The following TMED3 variants were observed in gnomAD, a reference collection of about 807,000 sequenced individuals.
TMED3 encodes the protein transmembrane emp24 domain-containing protein 3.
Under a neutral mutation model 15.0 loss-of-function variants are expected in TMED3, and 9 were observed. The observed-to-expected ratio is 0.60, with a 90% CI of 0.36 to 1.04. The LOEUF is 1.04. TMED3 is among the 50% of genes least tolerant of loss of function. The probability of loss-of-function intolerance (pLI) is 0.01; values close to 1 mark genes in which losing one functional copy is unlikely to be tolerated. For synonymous variants in TMED3, 117 were observed against 121.4 expected, an observed-to-expected ratio of 0.96 and a Z score of 0.24; for missense variants, 267 against 278.9, an observed-to-expected ratio of 0.96 and a Z score of 0.30.
chr15:79,396,630 TG>T (rs1294792295), intron 2 of TMED3, among the ~76,000 whole-genome samples: 1 of 152,228 alleles, frequency 6.6e-6, no homozygotes, highest in Non-Finnish European at 1.5e-5. Flanking sequence ...GATCTAGCTT[TG>T]GAAGTCACAT....
At chr15:79,320,740 GTAAC>G (rs1371329001) in intron 2 of TMED3, among the ~76,000 whole-genome samples, 1 of 152,168 alleles carries the variant, frequency 6.6e-6, no homozygotes, top group Admixed American at 6.5e-5. Context: ...CTATTGCTGA[GTAAC>G]TAATTACTAC....
At chr15:79,373,857 AGATGTCCC>A (rs1343360472) in intron 2 of TMED3, among the ~76,000 whole-genome samples, 1 of 152,220 alleles carries the variant, frequency 6.6e-6, no homozygotes, top group Non-Finnish European at 1.5e-5. Context: ...GTGGATTCAA[AGATGTCCC>A]GATTGGCAGT....
At position 79,311,404 on chromosome 15, in the gene TMED3, C is replaced by T. The variant is rs1430614508; in HGVS notation, c.155C>T (p.Ser52Phe). The T allele has an allele frequency of 6.2e-7, 1 of 1,609,910 alleles. No homozygotes were observed. The highest frequency in any genetic ancestry group is 1.7e-5 in the Admixed American group (1 of 59,808). Residue 52 changes from serine (S) to phenylalanine (F), a missense_variant, in exon 1 of 3, where the codon TCC (serine) becomes TTC (phenylalanine). Ser to Phe is a radical substitution (Grantham distance 155). This residue lies in a region of TMED3 where 69 missense variants were observed against 106.8 expected (regional missense o/e 0.65). Coordinates refer to ENST00000299705, the MANE Select transcript of TMED3 (RefSeq NM_007364.4). ...GAGGTGGAGCAGGGCGTGAAGTTCTCCCTGGATTACCAGGTGAGGCCGGGC... is the reference window on the plus strand; with the variant it reads ...GAGGTGGAGCAGGGCGTGAAGTTCTTCCTGGATTACCAGGTGAGGCCGGGC... ...HEEVEQGVKF[S>F]LDYQVITGGH...
chr15:79,320,630 T>C (rs1260903067), intron 2 of TMED3, among the ~76,000 whole-genome samples: 1 of 152,190 alleles, frequency 6.6e-6, no homozygotes, highest in Non-Finnish European at 1.5e-5. Context: ...GCCTGAGAAC[T>C]CACTGATAGG....
intron 2 of TMED3, among the ~76,000 whole-genome samples, chr15:79,391,277 G>A (rs1162452312): frequency 6.6e-6 from 1 of 151,796 alleles, no homozygotes; most frequent in Non-Finnish European, 1.5e-5. Flanking sequence ...TGTCATTATT[G>A]TTGTTCAGTT....
chr15:79,371,069 G>C (rs1329221026), intron 2 of TMED3, among the ~76,000 whole-genome samples: 1 of 152,190 alleles, frequency 6.6e-6, no homozygotes, highest in African/African-American at 2.4e-5. Flanking sequence ...GCTTGAAACT[G>C]CCTTAAGTTT....
chr15:79,394,766 T>A (rs943389070), intron 2 of TMED3, among the ~76,000 whole-genome samples: 6 of 152,214 alleles, frequency 3.9e-5, no homozygotes, highest in Non-Finnish European at 8.8e-5. Context: ...TCCAGTTTTA[T>A]CCAGTTTTAA....
chr15:79,323,173 C>A (rs904009917), downstream of TMED3, among the ~76,000 whole-genome samples: 2 of 152,226 alleles, frequency 1.3e-5, no homozygotes, highest in Non-Finnish European at 2.9e-5. Context: ...CCCTCCCAAC[C>A]ACTCTTCAAG....
At chr15:79,344,898 G>A (rs1036933075) in intron 2 of TMED3, among the ~76,000 whole-genome samples, 9 of 152,226 alleles carry the variant, frequency 5.9e-5, no homozygotes, top group African/African-American at 1.4e-4. Context: ...AAGCTTTGCT[G>A]TGTTTGAGCA....
Position 79,373,171 on chromosome 15 carries a change from A to C in TMED3, c.418-38229A>C, listed in dbSNP as rs2068091. ...CATGCAATGAATTGGTGTTTTATAA[A>C]CACCACTAATCATGCAGATAAGACC... On this transcript the variant is annotated intron_variant, in intron 2 of 2. Transcript: ENST00000424155. Among the ~76,000 whole-genome samples, 721 of 152,314 alleles carry C rather than the reference A, an allele frequency of 4.7e-3. 19 individuals carry two copies. The highest frequency in any genetic ancestry group is 0.042 in the Admixed American group (650 of 15,306).
At chr15:79,332,083 A>G (rs1403936153) in intron 2 of TMED3, among the ~76,000 whole-genome samples, 1 of 152,218 alleles carries the variant, frequency 6.6e-6, no homozygotes, top group East Asian at 1.9e-4. Flanking sequence ...ATAAGAAAGA[A>G]AAGGATGAAA....
chr15:79,412,293 C>G (rs1243768161), exon 3 of TMED3: 4 of 152,256 alleles, frequency 2.6e-5, no homozygotes, highest in Non-Finnish European at 5.9e-5. Context: ...TGTGCATGTG[C>G]CCTGCCCTGC....
intron 2 of TMED3, among the ~76,000 whole-genome samples, chr15:79,321,133 C>T (rs1032371267): frequency 3.3e-5 from 5 of 152,308 alleles, no homozygotes; most frequent in Non-Finnish European, 7.4e-5. Flanking sequence ...AAGCTCCTGG[C>T]GTCTGAGGGC....
chr15:79,375,967 A>C (rs1567035630), intron 2 of TMED3, among the ~76,000 whole-genome samples: 1 of 152,204 alleles, frequency 6.6e-6, no homozygotes, highest in East Asian at 1.9e-4. Flanking sequence ...GCCCTATGCT[A>C]CATAGGGTTA....
In TMED3 at chr15:79,322,175, C is replaced by T. The variant is rs2058770613; in HGVS notation, c.615C>T (p.Phe205=). The change falls in exon 3 of 3, where the codon TTC becomes TTT. Residue 205 remains phenylalanine (F), a synonymous_variant. Coordinates refer to ENST00000299705, the MANE Select transcript of TMED3 (RefSeq NM_007364.4). Reference sequence around the variant, plus strand: ...AGGTGCTACTGTTGAAAAGCTTCTTCACAGAAAAACGACCCATCAGCAGGG... The same window carrying T: ...AGGTGCTACTGTTGAAAAGCTTCTTTACAGAAAAACGACCCATCAGCAGGG... ...FSQVLLLKSF[F]TEKRPISRAV... 1 of 1,614,062 alleles carries T rather than the reference C, an allele frequency of 6.2e-7. No individual in the cohort carries two copies. Among genetic ancestry groups the T allele is most frequent in the Non-Finnish European group, 8.5e-7 (1 of 1,180,016 alleles).
chr15:79,386,611 C>T (rs957342811), intron 2 of TMED3, among the ~76,000 whole-genome samples: 16 of 151,900 alleles, frequency 1.1e-4, no homozygotes, highest in African/African-American at 3.9e-4. Context: ...GCGATCTCAG[C>T]TCATTGCAAC....
rs112668058 is a variant in TMED3 at position 79,360,000 on chromosome 15, A to G, written c.417+45995A>G. ...TGTCTTGCCTGTACTTTACTATGTT[A>G]TACTCTTCCACTGTTACCCAAAACC... On this transcript the variant is annotated intron_variant, in intron 2 of 2. Transcript: ENST00000424155. Among the ~76,000 whole-genome samples the G allele has an allele frequency of 1.6e-3, 250 of 152,328 alleles. 2 individuals carry two copies. The highest frequency in any genetic ancestry group is 2.8e-3 in the Non-Finnish European group (191 of 68,022).
chr15:79,334,095 C>T (rs549375647), intron 2 of TMED3, among the ~76,000 whole-genome samples: 1 of 152,228 alleles, frequency 6.6e-6, no homozygotes, highest in South Asian at 2.1e-4. Flanking sequence ...CTGTTCTAAA[C>T]TAATTATCTT....
intron 1 of TMED3, among the ~76,000 whole-genome samples, chr15:79,312,791 A>C (rs2058721709): frequency 6.6e-6 from 1 of 152,196 alleles, no homozygotes; most frequent in Non-Finnish European, 1.5e-5. Flanking sequence ...GCATTCAGTC[A>C]TTAATAATAT....
Sources: allele counts gnomAD v4.1 joint callset (sites outside exome capture counted in the v4.1 genomes callset), GRCh38; gene constraint gnomAD v4.1.1; regional missense constraint gnomAD v4.1.1; transcripts MANE v1.5; gene names NCBI Gene and HGNC (gene_info 2026-07-23, HGNC 2026-07-21).